KSR2: variants seen among roughly 807,000 people sequenced by gnomAD.
KSR2 encodes the protein kinase suppressor of ras 2.
In KSR2, 25 loss-of-function variants were observed where a neutral mutation model predicts 107.8. The observed-to-expected ratio is 0.23, with a 90% CI of 0.17 to 0.32. The LOEUF (loss-of-function observed/expected upper bound fraction) is 0.32. KSR2 is among the 10% of genes least tolerant of loss of function. The pLI is 1.00. For synonymous variants in KSR2, 480 were observed against 507.0 expected (o/e 0.95, Z 0.71); for missense variants, 887 against 1,268.9 (o/e 0.70, Z 4.57).
intron 14 of KSR2, among the ~76,000 whole-genome samples, chr12:117,505,787 T>C (rs1024739907): frequency 4.6e-5 from 7 of 152,234 alleles, no homozygotes; most frequent in African/African-American, 1.7e-4. Flanking sequence ...TGCCACCTTC[T>C]TGCTTCTGTC....
intron 1 of KSR2, among the ~76,000 whole-genome samples, chr12:117,945,475 G>C (rs1896152299): frequency 2.0e-5 from 3 of 152,150 alleles, no homozygotes; most frequent in African/African-American, 7.2e-5. Flanking sequence ...AGGAGTTCAA[G>C]ATCAGCCTGG....
chr12:117,920,373 T>G (rs75336086), intron 1 of KSR2, among the ~76,000 whole-genome samples: 2,161 of 151,104 alleles, frequency 0.014, 57 homozygotes, highest in African/African-American at 0.048. Flanking sequence ...GTGCTGAGAT[T>G]ACAGGGCTGA....
intron 10 of KSR2, among the ~76,000 whole-genome samples, chr12:117,536,690 G>A (rs984084304): frequency 5.3e-5 from 8 of 149,564 alleles, no homozygotes; most frequent in Admixed American, 1.3e-4. Context: ...TCCATGTCAG[G>A]AAATCTATAT....
intron 15 of KSR2, 95 bp downstream of exon 15, chr12:117,485,500 A>G: frequency 2.2e-6 from 2 of 897,490 alleles, no homozygotes; most frequent in South Asian, 1.4e-5. Flanking sequence ...CTGAAATCCA[A>G]CCATGAATCT....
At chr12:117,643,762 G>C (rs1883487270) in intron 5 of KSR2, among the ~76,000 whole-genome samples, 1 of 152,086 alleles carries the variant, frequency 6.6e-6, no homozygotes, top group African/African-American at 2.4e-5. Context: ...GGGATCAGCA[G>C]GTATAAGATG....
At chr12:117,925,142 C>A (rs1269990412) in intron 1 of KSR2, among the ~76,000 whole-genome samples, 2 of 140,814 alleles carry the variant, frequency 1.4e-5, no homozygotes, top group Non-Finnish European at 3.1e-5. Flanking sequence ...TTTTTTTTTT[C>A]AGACAGGGTC....
intron 3 of KSR2, among the ~76,000 whole-genome samples, chr12:117,820,001 T>C (rs1399444518): frequency 6.6e-6 from 1 of 152,012 alleles, no homozygotes; most frequent in African/African-American, 2.4e-5. Flanking sequence ...CATTTTTAAA[T>C]ATTGAAAAGA....
At chr12:117,896,936 G>A (rs1894532364) in intron 1 of KSR2, among the ~76,000 whole-genome samples, 1 of 152,132 alleles carries the variant, frequency 6.6e-6, no homozygotes. Flanking sequence ...CTCCTGTTAG[G>A]TGAGGGCTTC....
chr12:117,931,800 T>C (rs1346413979), intron 1 of KSR2, among the ~76,000 whole-genome samples: 1 of 152,206 alleles, frequency 6.6e-6, no homozygotes, highest in Non-Finnish European at 1.5e-5. Context: ...ATATTTACTA[T>C]AACTGCAATG....
intron 1 of KSR2, among the ~76,000 whole-genome samples, chr12:117,901,547 C>T (rs1208539756): frequency 6.6e-6 from 1 of 152,170 alleles, no homozygotes; most frequent in Non-Finnish European, 1.5e-5. Context: ...AGGCAATTGG[C>T]TTGCCTAGGC....
intron 7 of KSR2, among the ~76,000 whole-genome samples, chr12:117,566,885 C>A (rs1878528830): frequency 6.6e-6 from 1 of 152,304 alleles, no homozygotes; most frequent in African/African-American, 2.4e-5. Flanking sequence ...CTACTGCGCC[C>A]AAATTGCCTC....
At position 117,940,169 on chromosome 12, in the gene KSR2, G is replaced by T. The variant is rs117597518; in HGVS notation, c.180+27907C>A. On this transcript the variant is annotated intron_variant, in intron 1 of 19. Coordinates refer to ENST00000339824, the MANE Select transcript of KSR2 (RefSeq NM_173598.6). ...CTTCAGGAACCACTGATTCTAAGTT[G>T]TTGCTCTGGCCTCAAGGTAACTTCA... Among the ~76,000 whole-genome samples the T allele has an allele frequency of 2.8e-3, 422 of 152,198 alleles. 2 individuals are homozygous for T. The highest frequency in any genetic ancestry group is 5.2e-3 in the Admixed American group (80 of 15,274).
At chr12:117,508,890 A>G (rs1230486240) in intron 14 of KSR2, among the ~76,000 whole-genome samples, 11 of 128,274 alleles carry the variant, frequency 8.6e-5, no homozygotes, top group African/African-American at 2.9e-4. Flanking sequence ...GGGTGGATGG[A>G]TGTTGAATGA....
intron 1 of KSR2, among the ~76,000 whole-genome samples, chr12:117,945,658 A>G (rs1204991653): frequency 6.6e-6 from 1 of 152,214 alleles, no homozygotes; most frequent in Non-Finnish European, 1.5e-5. Flanking sequence ...TGGGTGACAG[A>G]GTGAGACTCC....
intron 4 of KSR2, among the ~76,000 whole-genome samples, chr12:117,691,768 A>G (rs937096530): frequency 2.6e-5 from 4 of 152,254 alleles, no homozygotes; most frequent in Admixed American, 2.6e-4. Context: ...CTGCAAATTA[A>G]GCCTAGAGCA....
intron 4 of KSR2, among the ~76,000 whole-genome samples, chr12:117,692,930 T>A (rs1379445625): frequency 6.6e-6 from 1 of 152,184 alleles, no homozygotes; most frequent in Non-Finnish European, 1.5e-5. Flanking sequence ...TTAATGGGTA[T>A]AGGGCTTCCT....
intron 10 of KSR2, among the ~76,000 whole-genome samples, chr12:117,536,133 C>A (rs533587895): frequency 3.9e-5 from 6 of 152,200 alleles, no homozygotes; most frequent in South Asian, 4.2e-4. Context: ...GCTGGTCAAC[C>A]CCCCCAGCCC....
rs117771933 is a variant in KSR2 at position 117,785,974 on chromosome 12, C to T, written c.473-24450G>A. On this transcript the variant is annotated intron_variant, in intron 3 of 19. Transcript: ENST00000339824. ...AAATTCACAAATTCTAAAAGCTCAG[C>T]AAACCCCACATAGGATAAACTCAAA... Among the ~76,000 whole-genome samples the T allele has an allele frequency of 5.0e-3, 754 of 152,206 alleles. 28 individuals carry two copies. In the East Asian group the frequency reaches 0.091, roughly 18 times the overall value.
intron 1 of KSR2, among the ~76,000 whole-genome samples, chr12:117,874,667 T>G: frequency 6.6e-6 from 1 of 152,198 alleles, no homozygotes; most frequent in East Asian, 1.9e-4. Flanking sequence ...TCCCGTGCTC[T>G]CTTCACGATT....
Sources: gnomAD v4.1 joint callset for allele counts (sites outside exome capture counted in the v4.1 genomes callset) on GRCh38, gnomAD v4.1.1 for gene constraint, MANE v1.5 for transcripts, NCBI Gene and HGNC (gene_info 2026-07-23, HGNC 2026-07-21) for gene names.